The following RNU6-9 variants were observed in gnomAD, a reference collection of about 807,000 sequenced individuals.
The protein encoded by RNU6-9 is RNA, U6 small nuclear 9.
chr19:893,532 GA>G (rs1307138231), exon 1 of RNU6-9: 1 of 151,918 alleles, frequency 6.6e-6, no homozygotes, highest in African/African-American at 2.4e-5. Flanking sequence ...ATACAGAGAA[GA>G]TTAGCATGGC....
chr19:893,484 G>A (rs139020974), exon 1 of RNU6-9: 16 of 152,268 alleles, frequency 1.1e-4, no homozygotes, highest in African/African-American at 3.6e-4. Flanking sequence ...CTCAATATTC[G>A]TGCTCGCTTC....
exon 1 of RNU6-9, chr19:893,548 G>A (rs539789829): frequency 2.5e-4 from 38 of 151,950 alleles, no homozygotes; most frequent in African/African-American, 8.2e-4. Context: ...CATGGCCCCT[G>A]CGCAAGGATG....
At chr19:893,542 G>A (rs997721811) in exon 1 of RNU6-9, 8 of 152,008 alleles carry the variant, frequency 5.3e-5, no homozygotes, top group East Asian at 1.9e-4. Flanking sequence ...GATTAGCATG[G>A]CCCCTGCGCA....
chr19:893,546 C>G (rs868684984), exon 1 of RNU6-9: 1 of 152,036 alleles, frequency 6.6e-6, no homozygotes, highest in African/African-American at 2.4e-5. Context: ...AGCATGGCCC[C>G]TGCGCAAGGA....
exon 1 of RNU6-9, chr19:893,558 G>A (rs559436266): frequency 9.9e-5 from 15 of 151,610 alleles, no homozygotes; most frequent in South Asian, 2.1e-4. Flanking sequence ...GCGCAAGGAT[G>A]ACACGCAAAT....
chr19:893,533 A>G lies in RNU6-9; in HGVS notation n.50A>G, dbSNP rs192111697. 1.8e-4 allele frequency: 28 copies of G among 152,070 alleles called. 1 individual carries two copies. Among genetic ancestry groups the G allele is most frequent in the Middle Eastern group, 6.9e-3 (2 of 290 alleles). 9.4% of individuals were successfully genotyped at this position (152,070 alleles called of 1,614,324 possible). Reference sequence around the variant, plus strand: ...CTAAAATTGGAACGATACAGAGAAGATTAGCATGGCCCCTGCGCAAGGATG... The same window carrying G: ...CTAAAATTGGAACGATACAGAGAAGGTTAGCATGGCCCCTGCGCAAGGATG... On this transcript the variant is annotated non_coding_transcript_exon_variant, in exon 1 of 1. Transcript: ENST00000384776.
exon 1 of RNU6-9, chr19:893,522 A>C (rs1045060542): frequency 1.3e-5 from 2 of 152,074 alleles, no homozygotes; most frequent in African/African-American, 2.4e-5. Flanking sequence ...AATTGGAACG[A>C]TACAGAGAAG....
exon 1 of RNU6-9, chr19:893,519 A>G (rs988280554): frequency 6.6e-6 from 1 of 152,114 alleles, no homozygotes; most frequent in African/African-American, 2.4e-5. Flanking sequence ...TAAAATTGGA[A>G]CGATACAGAG....
chr19:893,534 T>G (rs1373454451), exon 1 of RNU6-9: 2 of 152,084 alleles, frequency 1.3e-5, no homozygotes, highest in Admixed American at 6.6e-5. Flanking sequence ...ACAGAGAAGA[T>G]TAGCATGGCC....
At chr19:893,569 T>C (rs1354509625) in exon 1 of RNU6-9, 1 of 147,478 alleles carries the variant, frequency 6.8e-6, no homozygotes, top group Non-Finnish European at 1.5e-5. Flanking sequence ...ACACGCAAAT[T>C]CGTGAAGCGT....
At chr19:893,578 G>T (rs1010782779) in exon 1 of RNU6-9, 1 of 129,494 alleles carries the variant, frequency 7.7e-6, no homozygotes. Context: ...TTCGTGAAGC[G>T]TTCCATATTT....
exon 1 of RNU6-9, chr19:893,535 T>G (rs937901838): frequency 6.6e-6 from 1 of 152,036 alleles, no homozygotes; most frequent in Non-Finnish European, 1.5e-5. Flanking sequence ...CAGAGAAGAT[T>G]AGCATGGCCC....
At chr19:893,555 G>A (rs781297145) in exon 1 of RNU6-9, 28 of 151,714 alleles carry the variant, frequency 1.8e-4, no homozygotes, top group African/African-American at 4.8e-4. Context: ...CCTGCGCAAG[G>A]ATGACACGCA....
exon 1 of RNU6-9, chr19:893,528 A>G (rs1444993664): frequency 2.0e-5 from 3 of 152,066 alleles, no homozygotes; most frequent in African/African-American, 4.8e-5. Flanking sequence ...AACGATACAG[A>G]GAAGATTAGC....
chr19:893,508 C>G (rs1435544757), exon 1 of RNU6-9: 3 of 152,102 alleles, frequency 2.0e-5, no homozygotes, highest in Non-Finnish European at 2.9e-5. Flanking sequence ...AGCACATATA[C>G]TAAAATTGGA....
exon 1 of RNU6-9, chr19:893,578 G>GAATATTTTTTTTTTTT (rs2036693263): frequency 7.7e-6 from 1 of 129,494 alleles, no homozygotes. Flanking sequence ...TTCGTGAAGC[G>GAATATTTTTTTTTTTT]TTCCATATTT....
exon 1 of RNU6-9, chr19:893,500 C>A (rs142199789): frequency 6.6e-5 from 10 of 152,232 alleles, no homozygotes; most frequent in South Asian, 2.1e-4. Flanking sequence ...GCTTCGGCAG[C>A]ACATATACTA....
At chr19:893,578 G>C (rs1010782779) in exon 1 of RNU6-9, 2 of 129,612 alleles carry the variant, frequency 1.5e-5, no homozygotes, top group Middle Eastern at 4.0e-3. Flanking sequence ...TTCGTGAAGC[G>C]TTCCATATTT....
chr19:893,571 G>A (rs1599351550), exon 1 of RNU6-9: 1 of 146,030 alleles, frequency 6.8e-6, no homozygotes, highest in Middle Eastern at 3.5e-3. Flanking sequence ...ACGCAAATTC[G>A]TGAAGCGTTC....
Sources: gnomAD v4.1 joint callset for allele counts on GRCh38, gnomAD v4.1.1 for gene constraint, MANE v1.5 for transcripts, NCBI Gene and HGNC (gene_info 2026-07-23, HGNC 2026-07-21) for gene names.